The following ITGA8 variants were observed in gnomAD, a reference collection of about 807,000 sequenced individuals.
ITGA8 encodes the protein integrin subunit alpha 8, also known as integrin alpha-8.
In ITGA8, 91 loss-of-function variants were observed where a neutral mutation model predicts 142.3. That is an observed-to-expected ratio of 0.64 (90% CI 0.54 to 0.76). The LOEUF (loss-of-function observed/expected upper bound fraction) is 0.76, where lower values mean the gene tolerates loss of function less well. Ranked by LOEUF, ITGA8 falls within the 30% of genes least tolerant of loss-of-function variation. The pLI is 0.00. For synonymous variants in ITGA8, 505 were observed against 485.2 expected (o/e 1.04, Z -0.54); for missense variants, 1,406 against 1,327.7 (o/e 1.06, Z -0.92).
At chr10:15,535,361 G>A (rs531283679) in intron 27 of ITGA8, among the ~76,000 whole-genome samples, 18 of 152,352 alleles carry the variant, frequency 1.2e-4, no homozygotes, top group South Asian at 2.1e-4. Flanking sequence ...CACCTGCGGC[G>A]CCGGTGCGGG....
rs372965694 is a variant in ITGA8, at chr10:15,649,575, C to G, written c.1002-2524G>C. ...CCCGGGAGGCAGAGGTTGCAGTGGG[C>G]CGAGATCGCACCACTAGATGGCAGA... is the stretch of plus-strand genomic sequence containing the variant. On this transcript the variant is annotated intron_variant, in intron 11 of 29. Coordinates refer to ENST00000378076, the MANE Select transcript of ITGA8 (RefSeq NM_003638.3). Among the ~76,000 whole-genome samples, 378 of 149,684 alleles carry G rather than the reference C, an allele frequency of 2.5e-3. 1 individual carries two copies. The highest frequency in any genetic ancestry group is 9.0e-3 in the African/African-American group (364 of 40,560).
chr10:15,529,041 C>A (rs527644440), intron 28 of ITGA8, among the ~76,000 whole-genome samples: 2 of 145,754 alleles, frequency 1.4e-5, no homozygotes, highest in East Asian at 4.1e-4. Context: ...CCCTTCCTTT[C>A]TCCTTCCTTC....
At chr10:15,716,344 CAT>C (rs1269278896) in intron 2 of ITGA8, among the ~76,000 whole-genome samples, 2 of 152,182 alleles carry the variant, frequency 1.3e-5, no homozygotes, top group Non-Finnish European at 1.5e-5. Flanking sequence ...TAAAATAAGA[CAT>C]AGTGTGGAAT....
rs7069224 is a variant in ITGA8, at chr10:15,684,162, G to C, written c.445-35C>G. ...ATCAAAGACAAAAAAATACATTTTT[G>C]ATGTAGGTTTCTCATACTACAGTTT... is the stretch of plus-strand genomic sequence containing the variant. On this transcript the variant is annotated intron_variant, in intron 3 of 29. Transcript: ENST00000378076. The C allele has an allele frequency of 2.3e-3, 3,639 of 1,592,772 alleles. 68 individuals are homozygous for C. In the African/African-American group the frequency reaches 0.044, roughly 19 times the overall value.
intron 24 of ITGA8, among the ~76,000 whole-genome samples, chr10:15,573,495 C>T (rs1834225920): frequency 6.6e-6 from 1 of 151,444 alleles, no homozygotes. Flanking sequence ...ATCAAAAGAG[C>T]TTAAGGCAAA....
chr10:15,714,317 A>G (rs1891051), intron 2 of ITGA8, among the ~76,000 whole-genome samples: 142,183 of 152,270 alleles, frequency 0.93, 67,000 homozygotes, highest in East Asian at 1. Context: ...GGGAACCTTG[A>G]AGTAGACACA....
chr10:15,552,823 A>G (rs1833814972), intron 26 of ITGA8, among the ~76,000 whole-genome samples: 1 of 152,216 alleles, frequency 6.6e-6, no homozygotes, highest in Non-Finnish European at 1.5e-5. Flanking sequence ...GCTGAGAATG[A>G]TATCAATTGT....
intron 13 of ITGA8, among the ~76,000 whole-genome samples, chr10:15,643,139 C>T (rs868556230): frequency 6.6e-6 from 1 of 152,186 alleles, no homozygotes; most frequent in Non-Finnish European, 1.5e-5. Flanking sequence ...CATAAATTAC[C>T]TGTGCCTCAT....
intron 14 of ITGA8, among the ~76,000 whole-genome samples, chr10:15,614,097 C>T (rs981254510): frequency 6.6e-6 from 1 of 152,186 alleles, no homozygotes; most frequent in Non-Finnish European, 1.5e-5. Context: ...ATTGCTCTGC[C>T]ACCTGCTAGC....
intron 15 of ITGA8, among the ~76,000 whole-genome samples, chr10:15,611,802 TAA>T (rs35344683): frequency 1.8e-4 from 26 of 148,406 alleles, no homozygotes; most frequent in East Asian, 4.0e-4. Context: ...TTAATCTGGT[TAA>T]AAAAAAAAAA....
intron 24 of ITGA8, among the ~76,000 whole-genome samples, chr10:15,573,981 A>T (rs192540725): frequency 3.2e-4 from 49 of 152,066 alleles, no homozygotes; most frequent in South Asian, 1.2e-3. Flanking sequence ...AAAATTATTT[A>T]TGTTTGTTTA....
chr10:15,695,143 G>A (rs1373301815), intron 2 of ITGA8, among the ~76,000 whole-genome samples: 4 of 152,136 alleles, frequency 2.6e-5, no homozygotes, highest in Non-Finnish European at 5.9e-5. Context: ...GATTGCAAGT[G>A]TCAACTGGGC....
At chr10:15,530,884 A>G (rs1033689025) in intron 28 of ITGA8, among the ~76,000 whole-genome samples, 166 bp downstream of exon 28, 6 of 152,246 alleles carry the variant, frequency 3.9e-5, no homozygotes, top group African/African-American at 1.4e-4. Flanking sequence ...AAACCAGATC[A>G]AAAGGCACTA....
At position 15,672,681 on chromosome 10, in the gene ITGA8, G is replaced by C. The variant is rs772210661; in HGVS notation, c.745C>G (p.Leu249Val). Residue 249 changes from leucine to valine, a missense_variant, in exon 7 of 30, where the codon CTG becomes GTG. Transcript: ENST00000378076. Reference sequence around the variant, plus strand: ...ACTTCCGTCTGCTTTTCTCCTGCCAGTTTCCTGAGGATATCCTTGAATGAG... The same window carrying C: ...ACTTCCGTCTGCTTTTCTCCTGCCACTTTCCTGAGGATATCCTTGAATGAG... ...NYSFKDILRK[L>V]AGEKQTEVAP... is the part of the protein sequence containing the mutation. The C allele has an allele frequency of 1.2e-6, 2 of 1,613,880 alleles. No individual in the cohort carries two copies. The highest frequency in any genetic ancestry group is 3.3e-5 in the Admixed American group (2 of 59,984).
rs1834198183 is a variant in ITGA8 at position 15,572,221 on chromosome 10, T to G, written c.2627A>C (p.Gln876Pro). Residue 876 changes from glutamine to proline, a missense_variant, in exon 25 of 30, where the codon CAG becomes CCG. Physicochemically the swap from Gln to Pro is moderately conservative, Grantham distance 76 (BLOSUM62 -1). Transcript: ENST00000378076. ...AGACCAGACTCCTACCTTTATATCC[T>G]GTGGATTGATATTAGGATTTGGTTG... ...QCQPNPNINP[Q>P]DIKPAASPED... 1.9e-6 allele frequency: 3 copies of G among 1,613,564 alleles called. No homozygotes were observed. Among genetic ancestry groups the G allele is most frequent in the Non-Finnish European group, 1.7e-6 (2 of 1,179,620 alleles).
At chr10:15,625,380 C>T (rs980538368) in intron 13 of ITGA8, among the ~76,000 whole-genome samples, 3 of 152,228 alleles carry the variant, frequency 2.0e-5, no homozygotes, top group Admixed American at 6.5e-5. Flanking sequence ...TGTTGTATTT[C>T]GTGTCACCGT....
chr10:15,647,148 T>C, intron 11 of ITGA8, 97 bp from the exon 12 acceptor site: 1 of 917,670 alleles, frequency 1.1e-6, no homozygotes, highest in South Asian at 1.5e-5. Flanking sequence ...TCCATTGGTA[T>C]TTTTCCTTTT....
At chr10:15,638,893 G>GA (rs1412611741) in intron 13 of ITGA8, among the ~76,000 whole-genome samples, 1 of 152,102 alleles carries the variant, frequency 6.6e-6, no homozygotes, top group Non-Finnish European at 1.5e-5. Context: ...TTGGGAGCCT[G>GA]AGGCGGGAGG....
intron 11 of ITGA8, among the ~76,000 whole-genome samples, chr10:15,648,220 C>G (rs551437858): frequency 6.6e-6 from 1 of 151,952 alleles, no homozygotes; most frequent in Non-Finnish European, 1.5e-5. Flanking sequence ...AAATTAATGG[C>G]CTCTATTAAA....
Sources: allele counts gnomAD v4.1 joint callset (sites outside exome capture counted in the v4.1 genomes callset), GRCh38; gene constraint gnomAD v4.1.1; transcripts MANE v1.5; gene names NCBI Gene and HGNC (gene_info 2026-07-23, HGNC 2026-07-21).